JCAD: variants seen among roughly 807,000 people sequenced by gnomAD.
The protein encoded by JCAD is junctional cadherin 5 associated, also known as junctional cadherin 5-associated protein.
JCAD carries 40 observed loss-of-function variants against 98.0 expected under a neutral mutation model. That is an observed-to-expected ratio of 0.41 (90% CI 0.32 to 0.53). The LOEUF is 0.53. JCAD is among the 20% of genes least tolerant of loss of function. The pLI, the probability that JCAD is intolerant of heterozygous loss-of-function variation, is 0.31. For missense variants in JCAD, 1,705 were observed against 1,738.1 expected, an observed-to-expected ratio of 0.98 and a Z score of 0.34; for synonymous variants, 691 against 682.3, an observed-to-expected ratio of 1.01 and a Z score of -0.20.
intron 1 of JCAD, among the ~76,000 whole-genome samples, chr10:30,101,338 G>A (rs1838468114): frequency 6.6e-6 from 1 of 152,158 alleles, no homozygotes; most frequent in African/African-American, 2.4e-5. Context: ...GAAACTGGGA[G>A]GTGGAGGTTG....
intron 2 of JCAD, among the ~76,000 whole-genome samples, chr10:30,039,161 C>T (rs772621251): frequency 1.3e-5 from 2 of 152,212 alleles, no homozygotes; most frequent in African/African-American, 2.4e-5. Flanking sequence ...CAGATGCTGA[C>T]GCCCCTCCCA....
At chr10:30,105,512 C>A (rs942146913) in intron 1 of JCAD, among the ~76,000 whole-genome samples, 1 of 151,938 alleles carries the variant, frequency 6.6e-6, no homozygotes, top group African/African-American at 2.4e-5. Context: ...TTAGTAGAGA[C>A]ACGGTTTCAC....
intron 2 of JCAD, among the ~76,000 whole-genome samples, chr10:30,038,747 G>GA (rs1411419881): frequency 6.6e-6 from 1 of 150,774 alleles, no homozygotes; most frequent in Non-Finnish European, 1.5e-5. Context: ...AGAGAAGAGA[G>GA]AAGAGAGAAG....
intron 2 of JCAD, chr10:30,044,677 CT>C (rs4017854): frequency 7.1e-3 from 1,323 of 187,554 alleles, no homozygotes; most frequent in Middle Eastern, 0.024. Flanking sequence ...GCAGTATTGG[CT>C]TTTTTTTTTT....
chr10:30,092,034 C>CG (rs1838276194), intron 1 of JCAD, among the ~76,000 whole-genome samples: 1 of 35,414 alleles, frequency 2.8e-5, no homozygotes, highest in Admixed American at 6.4e-4. Flanking sequence ...TCCCCCACCA[C>CG]AAAAAAAAAA....
chr10:30,087,841 C>CTTTT lies in JCAD; in HGVS notation n.129-18021_129-18020insAAAA, dbSNP rs1378200778. The stretch of plus-strand genomic sequence containing the variant: ...CTGAAACCTTATTGGACTTCTGTAA[C>CTTTT]CTTTGTTTGTTTGTTTGTTTGCCAG... On this transcript the variant is annotated intron_variant and non_coding_transcript_variant, in intron 1 of 2. Transcript: ENST00000465712. 7.8e-4 allele frequency among the ~76,000 whole-genome samples: 118 copies of CTTTT among 152,256 alleles called. 1 individual carries two copies. The highest frequency in any genetic ancestry group is 2.7e-3 in the African/African-American group (114 of 41,570).
At chr10:30,033,598 T>C (rs1837047295) in intron 2 of JCAD, among the ~76,000 whole-genome samples, 1 of 152,240 alleles carries the variant, frequency 6.6e-6, no homozygotes, top group Non-Finnish European at 1.5e-5. Flanking sequence ...TGATTACTAG[T>C]GAGGTCGATT....
At chr10:30,101,671 G>A (rs1477213404) in intron 1 of JCAD, among the ~76,000 whole-genome samples, 3 of 151,946 alleles carry the variant, frequency 2.0e-5, no homozygotes, top group African/African-American at 7.3e-5. Flanking sequence ...CCCGGCTCAG[G>A]CTAACTTTAG....
At position 30,015,625 on chromosome 10, in the gene JCAD, CA is replaced by C; in HGVS notation, c.*2257del. ...TTTGGTTTGAGAATCACAGAAGGTA[CA>C]ACAGTTTTTCTTCCTTGGGGATCCT... On this transcript the variant is annotated 3_prime_UTR_variant, in exon 4 of 4. Transcript: ENST00000375377. 6.6e-6 allele frequency: 1 copy of C among 152,190 alleles called. No homozygotes were observed. Among genetic ancestry groups the C allele is most frequent in the Admixed American group, 6.5e-5 (1 of 15,296 alleles). 9.4% of individuals were successfully genotyped at this position (152,190 alleles called of 1,614,324 possible).
Position 30,028,063 on chromosome 10 carries a change from G to A in JCAD, c.2085C>T (p.Phe695=), listed in dbSNP as rs1451703567. The change falls in exon 3 of 4, where the codon TTC becomes TTT. Residue 695 remains phenylalanine, a synonymous_variant. Coordinates refer to ENST00000375377, the MANE Select transcript of JCAD (RefSeq NM_020848.4). ...GCTGCGAACTTTGGGGCTCCTCGGA[G>A]AAACTGGTTTGTGTTTGCTGATCTC... is the stretch of plus-strand genomic sequence containing the variant. ...RYRDQQTQTS[F]SEEPQSSQLL... 1 of 1,614,158 alleles carries A rather than the reference G, an allele frequency of 6.2e-7. No individual in the cohort carries two copies. Among genetic ancestry groups the A allele is most frequent in the East Asian group, 2.2e-5 (1 of 44,906 alleles).
At chr10:30,082,851 CAAAAAAAAA>C (rs57450219) in intron 1 of JCAD, among the ~76,000 whole-genome samples, 2,088 of 68,478 alleles carry the variant, frequency 0.03, 64 homozygotes, top group African/African-American at 0.11. Flanking sequence ...AACTCTGTCT[CAAAAAAAAA>C]AAAAAAAAAA....
rs559210714 is a variant in JCAD at position 30,109,058 on chromosome 10, G to A, written n.128+6309C>T. 5.3e-5 allele frequency among the ~76,000 whole-genome samples: 8 copies of A among 152,234 alleles called. No individual in the cohort carries two copies. In the South Asian group the frequency reaches 1.7e-3, roughly 32 times the overall value. ...GCCACAGAGCTGCTCTCCGCTGCACGCCCTGGCACCCAGCATCTTCCCTCG... is the reference window on the plus strand; with the variant it reads ...GCCACAGAGCTGCTCTCCGCTGCACACCCTGGCACCCAGCATCTTCCCTCG... On this transcript the variant is annotated intron_variant and non_coding_transcript_variant, in intron 1 of 2. Transcript: ENST00000465712.
At chr10:30,112,451 C>A (rs1178997021) in intron 1 of JCAD, among the ~76,000 whole-genome samples, 1 of 152,092 alleles carries the variant, frequency 6.6e-6, no homozygotes, top group East Asian at 1.9e-4. Context: ...CCACTGCACT[C>A]CAGCTTCAGC....
intron 1 of JCAD, among the ~76,000 whole-genome samples, chr10:30,085,909 G>A (rs567064745): frequency 1.6e-5 from 2 of 122,732 alleles, no homozygotes; most frequent in East Asian, 2.9e-4. Context: ...CACCAATCCA[G>A]TCCTTCCCCA....
Position 30,028,507 on chromosome 10 carries a change from C to T in JCAD, c.1641G>A (p.Gln547=). 2 of 1,614,246 alleles carry T rather than the reference C, an allele frequency of 1.2e-6. No individual in the cohort carries two copies. ...TGRQVSSPYS[Q]GESTCETQTK... ...TTTGAGTTTCGCAGGTGCTCTCGCC[C>T]TGTGAGTAAGGGGAGGAAACTTGTC... is the stretch of plus-strand genomic sequence containing the variant. The change falls in exon 3 of 4, where the codon CAG becomes CAA. Residue 547 remains glutamine (Q), a synonymous_variant. Coordinates refer to ENST00000375377, the MANE Select transcript of JCAD (RefSeq NM_020848.4).
chr10:30,041,628 C>G (rs948934164), intron 2 of JCAD, among the ~76,000 whole-genome samples: 9 of 152,180 alleles, frequency 5.9e-5, no homozygotes, highest in Non-Finnish European at 1.2e-4. Context: ...CTAAGTCTCT[C>G]ATTAGTTACA....
chr10:30,019,338 C>T (rs1199170752), intron 3 of JCAD, among the ~76,000 whole-genome samples: 11 of 108,642 alleles, frequency 1.0e-4, no homozygotes, highest in Admixed American at 9.6e-4. Flanking sequence ...GCCTGGGCAA[C>T]AAGAGCGAAA....
chr10:30,037,280 T>C (rs1264961292), intron 2 of JCAD, among the ~76,000 whole-genome samples: 1 of 152,134 alleles, frequency 6.6e-6, no homozygotes, highest in African/African-American at 2.4e-5. Flanking sequence ...CGTGCAAATA[T>C]CCCTCTGATA....
intron 1 of JCAD, among the ~76,000 whole-genome samples, chr10:30,082,467 C>T (rs1838101612): frequency 6.6e-6 from 1 of 152,002 alleles, no homozygotes; most frequent in Non-Finnish European, 1.5e-5. Context: ...ACCTATAATC[C>T]CAGCACTTTG....
Sources: gnomAD v4.1 joint callset for allele counts (sites outside exome capture counted in the v4.1 genomes callset) on GRCh38, gnomAD v4.1.1 for gene constraint, MANE v1.5 for transcripts, NCBI Gene and HGNC (gene_info 2026-07-23, HGNC 2026-07-21) for gene names.